The following PRSS56 variants were observed in gnomAD, a reference collection of about 807,000 sequenced individuals.
The protein encoded by PRSS56 is serine protease 56.
PRSS56 carries 55 observed loss-of-function variants against 66.8 expected under a neutral mutation model. The observed-to-expected ratio is 0.82, with a 90% CI of 0.66 to 1.03. PRSS56 has a LOEUF of 1.03. Ranked by LOEUF, PRSS56 falls within the 50% of genes least tolerant of loss-of-function variation. The pLI is 0.00. For missense variants in PRSS56, 869 were observed against 837.2 expected, an observed-to-expected ratio of 1.04 and a Z score of -0.47; for synonymous variants, 409 against 387.9, an observed-to-expected ratio of 1.05 and a Z score of -0.64.
chr2:232,524,889 G>T (rs1238781662), intron 12 of PRSS56, 45 bp downstream of exon 12: 1 of 1,431,724 alleles, frequency 7.0e-7, no homozygotes, highest in Non-Finnish European at 9.5e-7. Flanking sequence ...GCCTGGGAAG[G>T]CTGAGACCCA....
In PRSS56 at chr2:232,525,352, G is replaced by C. The variant is rs973130646; in HGVS notation, c.1658G>C (p.Arg553Pro). The change falls in exon 13 of 13, where the codon CGG becomes CCG. Residue 553 changes from arginine (R) to proline (P), a missense_variant. Coordinates refer to ENST00000617714, the MANE Select transcript of PRSS56 (RefSeq NM_001195129.2). Reference sequence around the variant, plus strand: ...GCCACACTGGCTCGCAGCCTCCCCCGGCTGCTGGTGCAGGCCCTGCAGGCC... The same window carrying C: ...GCCACACTGGCTCGCAGCCTCCCCCCGCTGCTGGTGCAGGCCCTGCAGGCC... ...EPATLARSLP[R>P]LLVQALQAFR... is the part of the protein sequence containing the mutation. 4.1e-5 allele frequency: 63 copies of C among 1,531,388 alleles called. No individual in the cohort carries two copies. The highest frequency in any genetic ancestry group is 5.5e-5 in the Non-Finnish European group (63 of 1,144,500). 94.9% of individuals were successfully genotyped at this position (1,531,388 alleles called of 1,614,324 possible). A position where few individuals can be genotyped will look rare whatever the true frequency, so the allele number is the denominator to read the frequency against.
rs534159200 is a variant in PRSS56, at chr2:232,524,912, T to C, written c.1521+68T>C. The C allele has an allele frequency of 2.1e-4, 267 of 1,289,528 alleles. 1 individual carries two copies. The African/African-American group carries it at 3.4e-3, about 17-fold the overall frequency. 79.9% of individuals were successfully genotyped at this position (1,289,528 alleles called of 1,614,324 possible). A position where few individuals can be genotyped will look rare whatever the true frequency, so the allele number is the denominator to read the frequency against. ...AGGCTGAGACCCAGCCCAGGGAAGATGCAGAGGGCCCAGCCCAGATACCCT... is the reference window on the plus strand; with the variant it reads ...AGGCTGAGACCCAGCCCAGGGAAGACGCAGAGGGCCCAGCCCAGATACCCT... On this transcript the variant is annotated intron_variant, in intron 12 of 12. Coordinates refer to ENST00000617714, the MANE Select transcript of PRSS56 (RefSeq NM_001195129.2).
chr2:232,522,883 G>A lies in PRSS56; in HGVS notation c.706+22G>A, dbSNP rs1382300514. ...GAAGGTACTGGGCGTGGGTGAGCCG[G>A]CGCGTGGTGGGAAGAACTGGGGGTC... On this transcript the variant is annotated intron_variant, in intron 6 of 12. Coordinates refer to ENST00000617714, the MANE Select transcript of PRSS56 (RefSeq NM_001195129.2). 4.1e-6 allele frequency: 6 copies of A among 1,448,340 alleles called. No individual in the cohort carries two copies. In the East Asian group the frequency reaches 7.6e-5, roughly 18 times the overall value. 89.7% of individuals were successfully genotyped at this position (1,448,340 alleles called of 1,614,324 possible). A position where few individuals can be genotyped will look rare whatever the true frequency, so the allele number is the denominator to read the frequency against.
Position 232,525,566 on chromosome 2 carries a change from T to A in PRSS56, c.*60T>A. The stretch of plus-strand genomic sequence containing the variant: ...TACTGCTCCCAGGGGCTGAGAGGGG[T>A]TCGGGAGCATAATGACAAACTGTCG... On this transcript the variant is annotated 3_prime_UTR_variant, in exon 13 of 13. Transcript: ENST00000617714. The A allele has an allele frequency of 7.4e-7, 1 of 1,348,156 alleles. No individual in the cohort carries two copies. The highest frequency in any genetic ancestry group is 1.5e-5 in the African/African-American group (1 of 66,904). 83.5% of individuals were successfully genotyped at this position (1,348,156 alleles called of 1,614,324 possible).
At position 232,520,611 on chromosome 2, in the gene PRSS56, G is replaced by GTGC. The variant is rs756702623; in HGVS notation, c.24_26dup (p.Leu9dup). 6.5e-7 allele frequency: 1 copy of GTGC among 1,536,044 alleles called. No individual in the cohort carries two copies. Among genetic ancestry groups the GTGC allele is most frequent in the South Asian group, 1.2e-5 (1 of 84,062 alleles). ...GCTCCTGGTCACCATGCTGCTGGCT[G>GTGC]TGCTGCTGCTGCTACCCCTCCCAAG... On this transcript the variant is annotated inframe_insertion, in exon 1 of 13. Coordinates refer to ENST00000617714, the MANE Select transcript of PRSS56 (RefSeq NM_001195129.2).
In PRSS56 at chr2:232,523,498, A is replaced by C; in HGVS notation, c.932A>C (p.Asp311Ala). ...EVLFGVTSWG[D>A]GCGEPGKPGV... ...CTGTTCGGAGTCACCTCCTGGGGGG[A>C]CGGCTGCGGGGAGCCAGGGAAGCCC... The change falls in exon 8 of 13, where the codon GAC (aspartate) becomes GCC (alanine). Residue 311 changes from aspartate to alanine, a missense_variant. Coordinates refer to ENST00000617714, the MANE Select transcript of PRSS56 (RefSeq NM_001195129.2). The C allele has an allele frequency of 6.5e-7, 1 of 1,530,012 alleles. No homozygotes were observed. The highest frequency in any genetic ancestry group is 2.5e-5 in the East Asian group (1 of 40,804). The allele number at this position is 1,530,012 out of a possible 1,614,324, so 94.8% of individuals were successfully genotyped here. A position where few individuals can be genotyped will look rare whatever the true frequency, so the allele number is the denominator to read the frequency against.
Position 232,523,822 on chromosome 2 carries a change from C to T in PRSS56, c.1063C>T (p.Pro355Ser), listed in dbSNP as rs1691337662. The T allele has an allele frequency of 1.3e-6, 2 of 1,533,644 alleles. No homozygotes were observed. The highest frequency in any genetic ancestry group is 4.9e-5 in the East Asian group (2 of 40,870). ...CAGGGAGCTTCTGGCCTGGGACCCC[C>T]CCCAGGAGCTGCAGGCAGACGCCGC... The part of the protein sequence containing the change: ...SCRELLAWDP[P>S]QELQADAARL... The change falls in exon 9 of 13, where the codon CCC (proline) becomes TCC (serine). Residue 355 changes from proline (P) to serine (S), a missense_variant. Transcript: ENST00000617714.
rs1691341044 is a variant in PRSS56 at position 232,523,952 on chromosome 2, T to G, written c.1186+7T>G. 2.6e-6 allele frequency: 4 copies of G among 1,515,700 alleles called. No homozygotes were observed. In the South Asian group the frequency reaches 4.9e-5, roughly 19 times the overall value. 93.9% of individuals were successfully genotyped at this position (1,515,700 alleles called of 1,614,324 possible). ...CAGCGCCGGCGGCGATGCGGTCAGT[T>G]CTGTTCACCCGGACCCGGACGGGGG... On this transcript the variant is annotated splice_region_variant and intron_variant, in intron 9 of 12. Coordinates refer to ENST00000617714, the MANE Select transcript of PRSS56 (RefSeq NM_001195129.2).
intron 12 of PRSS56, 99 bp from the exon 13 acceptor site, chr2:232,525,117 G>T (rs1691394424): frequency 2.6e-5 from 32 of 1,218,008 alleles, no homozygotes; most frequent in Non-Finnish European, 3.5e-5. Flanking sequence ...CCAGGTCTAG[G>T]TGAGAGTTTC....
In PRSS56 at chr2:232,524,099, G is replaced by A. The variant is rs1482421828; in HGVS notation, c.1247G>A (p.Gly416Glu). Residue 416 changes from glycine to glutamate, a missense_variant, in exon 10 of 13, where the codon GGG becomes GAG. Physicochemically the swap from Gly to Glu is moderately conservative, Grantham distance 98. Transcript: ENST00000617714. Reference protein sequence around the residue: ...GLLRNAQELLGPRPGLRRLAP... With the variant: ...GLLRNAQELLEPRPGLRRLAP... ...CTGCGGAACGCGCAGGAGCTGCTCG[G>A]GCCTCGTCCGGGACTGCGGCGCCTG... 1.3e-6 allele frequency: 2 copies of A among 1,521,436 alleles called. No individual in the cohort carries two copies. Among genetic ancestry groups the A allele is most frequent in the East Asian group, 5.1e-5 (2 of 39,334 alleles). 94.2% of individuals were successfully genotyped at this position (1,521,436 alleles called of 1,614,324 possible).
chr2:232,523,574 G>A lies in PRSS56; in HGVS notation c.1008G>A (p.Met336Ile). ...TCAAGGACTGGCTCCAGGAGCAGATGAGCGGTGAGCGCCCTCTTTCCAATG... is the reference window on the plus strand; with the variant it reads ...TCAAGGACTGGCTCCAGGAGCAGATAAGCGGTGAGCGCCCTCTTTCCAATG... ...AVFKDWLQEQ[M>I]SASSSREPSC... Residue 336 changes from methionine (M) to isoleucine (I), a missense_variant, in exon 8 of 13, where the codon ATG becomes ATA. Around this residue, in one of 3 missense-constraint regions of PRSS56, gnomAD observed 551 missense variants for 506.9 expected, o/e 1.09. Coordinates refer to ENST00000617714, the MANE Select transcript of PRSS56 (RefSeq NM_001195129.2). The A allele has an allele frequency of 6.6e-7, 1 of 1,522,954 alleles. No individual in the cohort carries two copies. The highest frequency in any genetic ancestry group is 2.4e-5 in the East Asian group (1 of 40,820). 94.3% of individuals were successfully genotyped at this position (1,522,954 alleles called of 1,614,324 possible). A position where few individuals can be genotyped will look rare whatever the true frequency, so the allele number is the denominator to read the frequency against.
rs1462815458 is a variant in PRSS56 at position 232,522,572 on chromosome 2, A to G, written c.504A>G (p.Gln168=). The G allele has an allele frequency of 4.6e-6, 7 of 1,534,640 alleles. No homozygotes were observed. The highest frequency in any genetic ancestry group is 6.1e-6 in the Non-Finnish European group (7 of 1,146,302). The change falls in exon 5 of 13, where the codon CAA becomes CAG. Residue 168 remains glutamine, a synonymous_variant. Transcript: ENST00000617714. ...VTLAEGSRGE[Q]AEEVPVNRIL... is the part of the protein sequence containing the mutation. ...TGGCAGAGGGGTCCCGGGGGGAGCA[A>G]GCGGAGGAGGTGCCAGTGAACCGCA...
Position 232,521,811 on chromosome 2 carries a change from T to C in PRSS56, c.206-5T>C, listed in dbSNP as rs1193079961. 3.3e-6 allele frequency: 5 copies of C among 1,535,976 alleles called. No individual in the cohort carries two copies. The highest frequency in any genetic ancestry group is 4.4e-6 in the Non-Finnish European group (5 of 1,146,808). On this transcript the variant is annotated splice_region_variant and splice_polypyrimidine_tract_variant and intron_variant, in intron 2 of 12. Transcript: ENST00000617714. ...AGTGAGACTCAAAGGTCTGTTTCTC[T>C]GCAGGATCTGGGCGCCCCAGGCCTC...
Position 232,521,301 on chromosome 2 carries a change from T to C in PRSS56, c.98-20T>C. On this transcript the variant is annotated intron_variant, in intron 1 of 12. Coordinates refer to ENST00000617714, the MANE Select transcript of PRSS56 (RefSeq NM_001195129.2). The stretch of plus-strand genomic sequence containing the variant: ...GCTCTTCCCCAACCACGCATGATTG[T>C]GTGCCCCCTGTCCCAGCAGTTCTGT... The C allele has an allele frequency of 6.6e-7, 1 of 1,526,010 alleles. No individual in the cohort carries two copies. The highest frequency in any genetic ancestry group is 8.8e-7 in the Non-Finnish European group (1 of 1,137,728). The allele number at this position is 1,526,010 out of a possible 1,614,324, so 94.5% of individuals were successfully genotyped here.
chr2:232,524,632 A>T (rs1462560040), intron 11 of PRSS56, 106 bp from the exon 12 acceptor site: 2 of 791,860 alleles, frequency 2.5e-6, no homozygotes, highest in Non-Finnish European at 3.9e-6. Context: ...GCATAAGAGG[A>T]TAAGTGTGTC....
At position 232,521,382 on chromosome 2, in the gene PRSS56, A is replaced by C; in HGVS notation, c.159A>C (p.Ile53=). 6.5e-7 allele frequency: 1 copy of C among 1,536,098 alleles called. No individual in the cohort carries two copies. The highest frequency in any genetic ancestry group is 8.7e-7 in the Non-Finnish European group (1 of 1,146,886). ...QAAQRSAQWA[I]NRVAMEIQHR... is the part of the protein sequence containing the mutation. ...CCCAGAGGAGCGCCCAGTGGGCAATAAACCGAGTGGCGATGGAGATCCAGC... is the reference window on the plus strand; with the variant it reads ...CCCAGAGGAGCGCCCAGTGGGCAATCAACCGAGTGGCGATGGAGATCCAGC... The change falls in exon 2 of 13, where the codon ATA becomes ATC. Residue 53 remains isoleucine (I), a synonymous_variant. Coordinates refer to ENST00000617714, the MANE Select transcript of PRSS56 (RefSeq NM_001195129.2).
rs1007273591 is a variant in PRSS56, at chr2:232,523,820, C to G, written c.1061C>G (p.Pro354Arg). Residue 354 changes from proline (P) to arginine (R), a missense_variant, in exon 9 of 13, where the codon CCC becomes CGC. Physicochemically the swap from Pro to Arg is moderately radical, Grantham distance 103. Coordinates refer to ENST00000617714, the MANE Select transcript of PRSS56 (RefSeq NM_001195129.2). ...TGCAGGGAGCTTCTGGCCTGGGACC[C>G]CCCCCAGGAGCTGCAGGCAGACGCC... ...PSCRELLAWD[P>R]PQELQADAAR... 1.2e-5 allele frequency: 18 copies of G among 1,533,554 alleles called. No individual in the cohort carries two copies. Among genetic ancestry groups the G allele is most frequent in the Non-Finnish European group, 1.5e-5 (17 of 1,146,494 alleles). 95.0% of individuals were successfully genotyped at this position (1,533,554 alleles called of 1,614,324 possible). A position where few individuals can be genotyped will look rare whatever the true frequency, so the allele number is the denominator to read the frequency against.
At chr2:232,523,228 G>A (rs1381632811) in intron 7 of PRSS56, 26 bp downstream of exon 7, 2 of 1,429,068 alleles carry the variant, frequency 1.4e-6, no homozygotes, top group South Asian at 1.5e-5. Context: ...GATGAGAAAA[G>A]GCCGGCTGAG....
Position 232,522,008 on chromosome 2 carries a change from G to A in PRSS56, c.294G>A (p.Val98=), listed in dbSNP as rs1691288404. The part of the protein sequence containing the change: ...CGERRPSTAN[V]TRAHGRIVGG... ...AGAGGCGTCCGAGCACTGCCAATGT[G>A]ACGCGGGCCCACGGCCGCATCGTGG... The change falls in exon 4 of 13, where the codon GTG becomes GTA. Residue 98 remains valine (V), a synonymous_variant. Coordinates refer to ENST00000617714, the MANE Select transcript of PRSS56 (RefSeq NM_001195129.2). 1 of 1,452,796 alleles carries A rather than the reference G, an allele frequency of 6.9e-7. No individual in the cohort carries two copies. The highest frequency in any genetic ancestry group is 9.0e-7 in the Non-Finnish European group (1 of 1,108,310). The allele number at this position is 1,452,796 out of a possible 1,614,324, so 90.0% of individuals were successfully genotyped here.
Sources: allele counts gnomAD v4.1 joint callset, GRCh38; gene constraint gnomAD v4.1.1; regional missense constraint gnomAD v4.1.1; transcripts MANE v1.5; gene names NCBI Gene and HGNC (gene_info 2026-07-23, HGNC 2026-07-21).